ADCY3: variants seen among roughly 807,000 people sequenced by gnomAD.
The protein encoded by ADCY3 is adenylate cyclase type 3.
ADCY3 carries 70 observed loss-of-function variants against 119.4 expected under a neutral mutation model. The observed-to-expected ratio is 0.59, with a 90% CI of 0.48 to 0.72. The LOEUF is 0.72. ADCY3 is among the 30% of genes least tolerant of loss of function. The pLI, the probability that ADCY3 is intolerant of heterozygous loss-of-function variation, is 0.00. For missense variants in ADCY3, 1,238 were observed against 1,541.6 expected, an observed-to-expected ratio of 0.80 and a Z score of 3.30; for synonymous variants, 672 against 621.4, an observed-to-expected ratio of 1.08 and a Z score of -1.21.
intron 2 of ADCY3, among the ~76,000 whole-genome samples, chr2:24,897,285 TTCTC>T (rs1243593264): frequency 6.6e-6 from 1 of 151,434 alleles, no homozygotes; most frequent in African/African-American, 2.4e-5. Context: ...CTCCTCCCTC[TTCTC>T]TCTCTCTTTG....
At chr2:24,907,563 G>T (rs1172343124) in intron 2 of ADCY3, among the ~76,000 whole-genome samples, 1 of 152,150 alleles carries the variant, frequency 6.6e-6, no homozygotes, top group African/African-American at 2.4e-5. Context: ...TAGAAGAAAG[G>T]ACTGAAAACC....
At chr2:24,877,462 G>A (rs901259725) in intron 2 of ADCY3, among the ~76,000 whole-genome samples, 2 of 152,156 alleles carry the variant, frequency 1.3e-5, no homozygotes, top group African/African-American at 4.8e-5. Flanking sequence ...GAGGAACAAG[G>A]CTCGGTCGCT....
chr2:24,891,060 G>T (rs1677594662), intron 2 of ADCY3, among the ~76,000 whole-genome samples: 2 of 151,996 alleles, frequency 1.3e-5, no homozygotes, highest in Non-Finnish European at 2.9e-5. Context: ...AGTAGAGATG[G>T]GGTTTCGCCA....
chr2:24,823,448 G>GCA (rs1205772648), intron 17 of ADCY3, 93 bp from the exon 18 acceptor site: 2 of 1,397,880 alleles, frequency 1.4e-6, no homozygotes, highest in East Asian at 5.0e-5. Context: ...CATGACATGT[G>GCA]CACTCAGCTT....
At chr2:24,903,389 C>T (rs6755554) in intron 2 of ADCY3, among the ~76,000 whole-genome samples, 12,666 of 152,068 alleles carry the variant, frequency 0.083, 1,670 homozygotes, top group African/African-American at 0.28. Flanking sequence ...CCGTCTGTCT[C>T]GATCTCCTCA....
chr2:24,867,271 G>A (rs1283002465), intron 3 of ADCY3, among the ~76,000 whole-genome samples: 1 of 152,222 alleles, frequency 6.6e-6, no homozygotes, highest in Non-Finnish European at 1.5e-5. Flanking sequence ...TGCTTTTAAA[G>A]GGCTAGAAGT....
At chr2:24,853,775 C>T (rs928385296) in intron 3 of ADCY3, among the ~76,000 whole-genome samples, 4 of 152,170 alleles carry the variant, frequency 2.6e-5, no homozygotes, top group Admixed American at 1.3e-4. Context: ...CATGAGCCAC[C>T]GTACCCGGCC....
At chr2:24,863,402 T>C (rs1370756988) in intron 3 of ADCY3, among the ~76,000 whole-genome samples, 2 of 152,202 alleles carry the variant, frequency 1.3e-5, no homozygotes, top group Non-Finnish European at 2.9e-5. Context: ...AGTTCTTCAG[T>C]GTTGGAACTC....
chr2:24,879,890 T>C (rs552187823), intron 2 of ADCY3, among the ~76,000 whole-genome samples: 18 of 152,288 alleles, frequency 1.2e-4, no homozygotes, highest in Non-Finnish European at 2.4e-4. Context: ...ACCTGGAACA[T>C]CTGGGCAGGT....
In ADCY3 at chr2:24,824,525, C is replaced by T; in HGVS notation, c.2589G>A (p.Leu863=). ...FYYFSRHVEK[L]ARTLFLWKIE... Reference sequence around the variant, plus strand: ...TCTTCCACAAGAAAAGTGTCCGTGCCAGTTTTTCTACCTACAGACACAGAC... The same window carrying T: ...TCTTCCACAAGAAAAGTGTCCGTGCTAGTTTTTCTACCTACAGACACAGAC... Residue 863 remains leucine, a synonymous_variant, in exon 17 of 22, where the codon CTG becomes CTA. Transcript: ENST00000679454. The T allele has an allele frequency of 6.2e-7, 1 of 1,614,152 alleles. No homozygotes were observed. Among genetic ancestry groups the T allele is most frequent in the Non-Finnish European group, 8.5e-7 (1 of 1,179,984 alleles).
In ADCY3 at chr2:24,841,252, C is replaced by T. The variant is rs1287610439; in HGVS notation, c.1196+7G>A. The T allele has an allele frequency of 6.4e-7, 1 of 1,553,478 alleles. No homozygotes were observed. Among genetic ancestry groups the T allele is most frequent in the African/African-American group, 1.4e-5 (1 of 73,442 alleles). On this transcript the variant is annotated splice_region_variant and intron_variant, in intron 6 of 21. Coordinates refer to ENST00000679454, the MANE Select transcript of ADCY3 (RefSeq NM_004036.5). The surrounding 1 kb of genome is among the most constrained non-coding windows in gnomAD (Gnocchi z 5.8). ...GGGAGCCTCCCTCCCAGAGGCATCC[C>T]ACTTACGAGATGGCCTCCACCATGG...
chr2:24,868,107 A>G (rs902389277), intron 3 of ADCY3, among the ~76,000 whole-genome samples: 4 of 152,352 alleles, frequency 2.6e-5, no homozygotes, highest in Admixed American at 1.3e-4. Flanking sequence ...AGAAATTTCA[A>G]AGACTTGAAA....
intron 3 of ADCY3, among the ~76,000 whole-genome samples, chr2:24,844,316 T>C (rs1671416621): frequency 6.6e-6 from 1 of 152,052 alleles, no homozygotes; most frequent in Admixed American, 6.5e-5. Flanking sequence ...ATTACCACCC[T>C]GGGTCCTGGG....
intron 8 of ADCY3, among the ~76,000 whole-genome samples, chr2:24,837,270 C>A (rs1276467755): frequency 6.6e-6 from 1 of 152,024 alleles, no homozygotes; most frequent in Non-Finnish European, 1.5e-5. Flanking sequence ...GATGGGAAGA[C>A]CGAGGGAGAG....
intron 2 of ADCY3, among the ~76,000 whole-genome samples, chr2:24,894,908 T>C (rs1165527844): frequency 6.6e-6 from 1 of 152,144 alleles, no homozygotes; most frequent in Non-Finnish European, 1.5e-5. Context: ...CTACTTTCTT[T>C]TTCAGTTCTA....
At chr2:24,852,752 G>T (rs997952364) in intron 3 of ADCY3, among the ~76,000 whole-genome samples, 1 of 152,250 alleles carries the variant, frequency 6.6e-6, no homozygotes, top group Non-Finnish European at 1.5e-5. Flanking sequence ...AACGCCCGCG[G>T]AAACTTGGGT....
chr2:24,838,460 A>G lies in ADCY3; in HGVS notation c.1518T>C (p.Asn506=). The G allele has an allele frequency of 1.2e-6, 2 of 1,613,020 alleles. No individual in the cohort carries two copies. Among genetic ancestry groups the G allele is most frequent in the Non-Finnish European group, 1.7e-6 (2 of 1,179,946 alleles). The change falls in exon 8 of 22, where the codon AAT becomes AAC. Residue 506 remains asparagine (N), a synonymous_variant. Coordinates refer to ENST00000679454, the MANE Select transcript of ADCY3 (RefSeq NM_004036.5). ...GGGAACTCACCGAGCCATTGAGGCC[A>G]TTCTGGGTGGCTGTTTTCTTCACCT... ...KPEVKKTATQ[N]GLNGSALPNG... is the part of the protein sequence containing the mutation.
Position 24,918,622 on chromosome 2 carries a change from G to A in ADCY3, c.366C>T (p.Phe122=), listed in dbSNP as rs772657546. Residue 122 remains phenylalanine (F), a synonymous_variant, in exon 2 of 22, where the codon TTC becomes TTT. Transcript: ENST00000679454. The surrounding 1 kb of genome is among the most constrained non-coding windows in gnomAD (Gnocchi z 5.4). ...GGAGCAGCCCCTTTTTGCAGAGCACGAAGAGGATGATGTCCAACACCAGTC... is the reference window on the plus strand; with the variant it reads ...GGAGCAGCCCCTTTTTGCAGAGCACAAAGAGGATGATGTCCAACACCAGTC... ...GIGLVLDIIL[F]VLCKKGLLPD... is the part of the protein sequence containing the mutation. 1 of 1,614,168 alleles carries A rather than the reference G, an allele frequency of 6.2e-7. No individual in the cohort carries two copies. The highest frequency in any genetic ancestry group is 8.5e-7 in the Non-Finnish European group (1 of 1,180,042).
At chr2:24,894,609 G>A (rs1234552256) in intron 2 of ADCY3, among the ~76,000 whole-genome samples, 1 of 151,992 alleles carries the variant, frequency 6.6e-6, no homozygotes, top group Non-Finnish European at 1.5e-5. Context: ...AAAGTACCTT[G>A]TTTATATTTT....
Sources: gnomAD v4.1 joint callset for allele counts (sites outside exome capture counted in the v4.1 genomes callset) on GRCh38, gnomAD v4.1.1 for gene constraint, Gnocchi (gnomAD v3.1) non-coding constraint, MANE v1.5 for transcripts, NCBI Gene and HGNC (gene_info 2026-07-23, HGNC 2026-07-21) for gene names.